The following PTPRD variants were observed in gnomAD, a reference collection of about 807,000 sequenced individuals.
PTPRD encodes receptor-type tyrosine-protein phosphatase delta.
Under a neutral mutation model 214.5 loss-of-function variants are expected in PTPRD, and 34 were observed. That is an observed-to-expected ratio of 0.16 (90% CI 0.12 to 0.21). PTPRD has a LOEUF of 0.21. PTPRD is among the 10% of genes least tolerant of loss of function. The pLI is 1.00. For missense variants in PTPRD, 2,545 were observed against 2,398.7 expected, an observed-to-expected ratio of 1.06 and a Z score of -1.27; for synonymous variants, 1,128 against 845.7, an observed-to-expected ratio of 1.33 and a Z score of -5.79.
rs187548347 is a variant in PTPRD at position 8,353,779 on chromosome 9, G to A, written c.4662-11801C>T. On this transcript the variant is annotated intron_variant, in intron 39 of 45. Coordinates refer to ENST00000381196, the MANE Select transcript of PTPRD (RefSeq NM_002839.4). ...CTAACCCTTTTGCCTACTCACATTC[G>A]TATACATATACAAATTTGAGACTCC... Among the ~76,000 whole-genome samples, 129 of 147,454 alleles carry A rather than the reference G, an allele frequency of 8.7e-4. 1 individual carries two copies. In the East Asian group the frequency reaches 0.02, roughly 23 times the overall value.
intron 2 of PTPRD, among the ~76,000 whole-genome samples, chr9:10,513,064 T>C (rs895784818): frequency 2.0e-5 from 3 of 151,922 alleles, no homozygotes; most frequent in Non-Finnish European, 4.4e-5. Flanking sequence ...TGGTGAAAAA[T>C]AGCTGAGGAG....
At chr9:9,309,502 T>G (rs575488615) in intron 9 of PTPRD, among the ~76,000 whole-genome samples, 1 of 152,242 alleles carries the variant, frequency 6.6e-6, no homozygotes, top group Admixed American at 6.5e-5. Context: ...TGTTTATAAT[T>G]TTGGTGTCCT....
At chr9:9,907,257 T>C (rs1289821327) in intron 5 of PTPRD, among the ~76,000 whole-genome samples, 1 of 151,984 alleles carries the variant, frequency 6.6e-6, no homozygotes, top group Non-Finnish European at 1.5e-5. Flanking sequence ...GTCTGTTATT[T>C]CACTTGGGTT....
intron 5 of PTPRD, among the ~76,000 whole-genome samples, chr9:9,868,281 G>A (rs995981662): frequency 1.3e-5 from 2 of 152,080 alleles, no homozygotes; most frequent in African/African-American, 4.8e-5. Flanking sequence ...AAAAGAACTT[G>A]AAGTTATAAT....
At chr9:8,981,960 G>A (rs969263864) in intron 11 of PTPRD, among the ~76,000 whole-genome samples, 1 of 151,844 alleles carries the variant, frequency 6.6e-6, no homozygotes, top group South Asian at 2.1e-4. Context: ...ATTTAATCTC[G>A]CCAGAGCAAA....
At chr9:9,626,142 G>C (rs141768341) in intron 7 of PTPRD, among the ~76,000 whole-genome samples, 1 of 152,154 alleles carries the variant, frequency 6.6e-6, no homozygotes, top group African/African-American at 2.4e-5. Context: ...AGTTCAAAAT[G>C]AGAAAATATC....
intron 3 of PTPRD, among the ~76,000 whole-genome samples, chr9:10,141,989 T>C (rs1181860430): frequency 6.6e-6 from 1 of 152,132 alleles, no homozygotes; most frequent in Non-Finnish European, 1.5e-5. Flanking sequence ...AACTATCTGA[T>C]CTTTGACAAA....
At chr9:8,692,610 T>A (rs2097831766) in intron 12 of PTPRD, among the ~76,000 whole-genome samples, 1 of 152,196 alleles carries the variant, frequency 6.6e-6, no homozygotes, top group African/African-American at 2.4e-5. Flanking sequence ...AATGGCATAT[T>A]GAAATTAGCC....
chr9:9,142,129 T>C (rs971391540), intron 10 of PTPRD, among the ~76,000 whole-genome samples: 14 of 152,204 alleles, frequency 9.2e-5, no homozygotes, highest in Admixed American at 7.9e-4. Context: ...GCAAAACAAG[T>C]GTGGGTTGTG....
chr9:10,482,167 T>C (rs2224582), intron 2 of PTPRD, among the ~76,000 whole-genome samples: 116,781 of 151,620 alleles, frequency 0.77, 46,646 homozygotes, highest in East Asian at 1. Context: ...GTCAGGAGAT[T>C]GAGACCAGCC....
intron 3 of PTPRD, among the ~76,000 whole-genome samples, chr9:10,118,854 G>A (rs1046152504): frequency 8.1e-6 from 1 of 124,024 alleles, no homozygotes; most frequent in Admixed American, 8.3e-5. Context: ...TAAAGAAGCT[G>A]GGAAATACAC....
intron 10 of PTPRD, among the ~76,000 whole-genome samples, chr9:9,084,437 G>A (rs568046472): frequency 2.3e-4 from 35 of 152,104 alleles, no homozygotes; most frequent in African/African-American, 8.4e-4. Flanking sequence ...TAGTATTAGC[G>A]GAAATAACTA....
At chr9:8,698,478 T>G (rs996019790) in intron 12 of PTPRD, among the ~76,000 whole-genome samples, 7 of 152,212 alleles carry the variant, frequency 4.6e-5, no homozygotes, top group African/African-American at 1.4e-4. Flanking sequence ...GTAAAGGTGG[T>G]GTACATTTAT....
chr9:8,649,677 C>T lies in PTPRD; in HGVS notation c.65-12833G>A, dbSNP rs573774056. Among the ~76,000 whole-genome samples, 6 of 152,270 alleles carry T rather than the reference C, an allele frequency of 3.9e-5. No homozygotes were observed. In the South Asian group the frequency reaches 6.2e-4, roughly 16 times the overall value. The stretch of plus-strand genomic sequence containing the variant: ...ATTTTGATACATAACAAAAATGTTT[C>T]ATGTAGCACAAAATACAATGGAAAG... On this transcript the variant is annotated intron_variant, in intron 12 of 45. Transcript: ENST00000381196.
chr9:9,526,484 G>A (rs1458421055), intron 8 of PTPRD, among the ~76,000 whole-genome samples: 3 of 152,084 alleles, frequency 2.0e-5, no homozygotes, highest in Non-Finnish European at 4.4e-5. Flanking sequence ...AAATTACTAC[G>A]AGTCTATGTA....
At chr9:8,925,675 T>G (rs1246358805) in intron 11 of PTPRD, among the ~76,000 whole-genome samples, 4 of 150,478 alleles carry the variant, frequency 2.7e-5, no homozygotes, top group Non-Finnish European at 5.9e-5. Flanking sequence ...GCCAGTATCT[T>G]GGATGCCATC....
At chr9:10,264,458 C>T (rs1441353903) in intron 3 of PTPRD, among the ~76,000 whole-genome samples, 5 of 152,274 alleles carry the variant, frequency 3.3e-5, no homozygotes, top group Middle Eastern at 3.4e-3. Context: ...CAAAGGAGAT[C>T]ATTTTGGAGC....
At chr9:9,948,749 GATTT>G (rs1259466503) in intron 4 of PTPRD, among the ~76,000 whole-genome samples, 2 of 151,970 alleles carry the variant, frequency 1.3e-5, no homozygotes, top group African/African-American at 4.8e-5. Flanking sequence ...AGAGAAAGGA[GATTT>G]ATTAGCCTAA....
At chr9:10,275,958 C>T (rs2094662922) in intron 3 of PTPRD, among the ~76,000 whole-genome samples, 1 of 152,172 alleles carries the variant, frequency 6.6e-6, no homozygotes, top group South Asian at 2.1e-4. Flanking sequence ...CTCATTTCCT[C>T]TTTCAGGCTA....
Sources: allele counts gnomAD v4.1 joint callset (sites outside exome capture counted in the v4.1 genomes callset), GRCh38; gene constraint gnomAD v4.1.1; transcripts MANE v1.5; gene names NCBI Gene and HGNC (gene_info 2026-07-23, HGNC 2026-07-21).